MECOM: variants seen among roughly 807,000 people sequenced by gnomAD.
The protein encoded by MECOM is MDS1 and EVI1 complex locus, also known as histone-lysine N-methyltransferase MECOM.
MECOM carries 13 observed loss-of-function variants against 116.3 expected under a neutral mutation model. The ratio of observed to expected loss-of-function variants is 0.11; its 90% CI spans 0.07 to 0.18. MECOM has a LOEUF of 0.18. Ranked by LOEUF, MECOM falls within the 10% of genes least tolerant of loss-of-function variation. The probability of loss-of-function intolerance (pLI) is 1.00; values close to 1 mark genes in which losing one functional copy is unlikely to be tolerated. For missense variants in MECOM, 1,299 were observed against 1,509.0 expected (o/e 0.86, Z 2.31); for synonymous variants, 528 against 535.2 (o/e 0.99, Z 0.19).
intron 1 of MECOM, among the ~76,000 whole-genome samples, chr3:169,438,288 T>C (rs1743042385): frequency 6.6e-6 from 1 of 152,104 alleles, no homozygotes; most frequent in South Asian, 2.1e-4. Flanking sequence ...TCCTAAATCA[T>C]AAGTATTCAA....
intron 1 of MECOM, among the ~76,000 whole-genome samples, chr3:169,616,397 G>A (rs895789615): frequency 6.6e-6 from 1 of 152,178 alleles, no homozygotes; most frequent in African/African-American, 2.4e-5. Context: ...CCAGGCTGGA[G>A]TACAGTGGCA....
At chr3:169,413,523 C>T (rs1459723913) in intron 1 of MECOM, among the ~76,000 whole-genome samples, 1 of 146,286 alleles carries the variant, frequency 6.8e-6, no homozygotes, top group African/African-American at 2.5e-5. Flanking sequence ...GCATCTGGAA[C>T]TCCAGTGAGA....
In MECOM at chr3:169,121,226, A is replaced by G. The variant is rs777800979; in HGVS notation, c.979-17T>C. ...CGTGAAAACCTGCTAGGAAATGAGT[A>G]CTGATTAATCAAGAAACTTAACTCA... On this transcript the variant is annotated splice_polypyrimidine_tract_variant and intron_variant, in intron 6 of 16. Transcript: ENST00000651503. 6 of 1,582,582 alleles carry G rather than the reference A, an allele frequency of 3.8e-6. No individual in the cohort carries two copies. The highest frequency in any genetic ancestry group is 1.9e-4 in the Middle Eastern group (1 of 5,284).
In MECOM at chr3:169,515,945, T is replaced by C. The variant is rs568051949; in HGVS notation, c.38-134421A>G. On this transcript the variant is annotated intron_variant, in intron 1 of 16. Coordinates refer to ENST00000651503, the MANE Select transcript of MECOM (RefSeq NM_004991.4). ...TGACTGGGGGGAAAATGCTGAAACATTATGGACAAGCTCTAGGAAGCATCT... is the reference window on the plus strand; with the variant it reads ...TGACTGGGGGGAAAATGCTGAAACACTATGGACAAGCTCTAGGAAGCATCT... 3.9e-5 allele frequency among the ~76,000 whole-genome samples: 6 copies of C among 152,316 alleles called. 1 individual carries two copies. In the South Asian group the frequency reaches 1.0e-3, roughly 26 times the overall value.
chr3:169,084,906 A>T lies in MECOM; in HGVS notation c.*3T>A. 6 of 1,613,936 alleles carry T rather than the reference A, an allele frequency of 3.7e-6. No homozygotes were observed. Among genetic ancestry groups the T allele is most frequent in the Non-Finnish European group, 5.1e-6 (6 of 1,179,940 alleles). The stretch of plus-strand genomic sequence containing the variant: ...GGTCCCACTCTGGTCAACCTTGATA[A>T]CGTCATACGTGGCTTATGGACTGGA... On this transcript the variant is annotated 3_prime_UTR_variant, in exon 17 of 17. Transcript: ENST00000651503.
chr3:169,432,825 G>T (rs1003254326), intron 1 of MECOM, among the ~76,000 whole-genome samples: 1 of 152,208 alleles, frequency 6.6e-6, no homozygotes, highest in Non-Finnish European at 1.5e-5. Context: ...AAGGTTAAAG[G>T]CTACAGTAGA....
At chr3:169,137,020 G>A (rs1409117187) in intron 3 of MECOM, among the ~76,000 whole-genome samples, 1 of 152,086 alleles carries the variant, frequency 6.6e-6, no homozygotes, top group African/African-American at 2.4e-5. Context: ...TGTACTGAGA[G>A]AAAACCTTTT....
chr3:169,657,708 C>T (rs1321101807), intron 1 of MECOM, among the ~76,000 whole-genome samples: 1 of 152,184 alleles, frequency 6.6e-6, no homozygotes, highest in Non-Finnish European at 1.5e-5. Flanking sequence ...CTGCCCCAGC[C>T]AGGGCACTTC....
intron 1 of MECOM, among the ~76,000 whole-genome samples, chr3:169,563,860 T>C (rs1762934216): frequency 6.6e-6 from 1 of 152,190 alleles, no homozygotes; most frequent in Non-Finnish European, 1.5e-5. Context: ...ACAGTCATTC[T>C]CAGAAATGTC....
intron 1 of MECOM, among the ~76,000 whole-genome samples, chr3:169,497,694 G>T (rs1317925003): frequency 6.6e-6 from 1 of 152,088 alleles, no homozygotes; most frequent in East Asian, 1.9e-4. Context: ...GCATACCTTT[G>T]CCAAAACAAA....
intron 1 of MECOM, among the ~76,000 whole-genome samples, chr3:169,635,791 A>C (rs191980304): frequency 4.8e-4 from 73 of 152,334 alleles, no homozygotes; most frequent in Non-Finnish European, 1.2e-4. Flanking sequence ...GATCATTTTC[A>C]TAATTAATTT....
intron 2 of MECOM, among the ~76,000 whole-genome samples, chr3:169,305,468 G>C (rs1175674886): frequency 6.6e-6 from 1 of 152,146 alleles, no homozygotes; most frequent in Non-Finnish European, 1.5e-5. Flanking sequence ...AATCAGACCA[G>C]ATATCTAAGT....
At chr3:169,625,170 A>C (rs1771213786) in intron 1 of MECOM, among the ~76,000 whole-genome samples, 1 of 152,204 alleles carries the variant, frequency 6.6e-6, no homozygotes, top group Non-Finnish European at 1.5e-5. Context: ...AACATTTGGC[A>C]TGTGACAAAT....
chr3:169,241,435 C>T (rs1754797974), intron 2 of MECOM, among the ~76,000 whole-genome samples: 1 of 152,088 alleles, frequency 6.6e-6, no homozygotes, highest in African/African-American at 2.4e-5. Context: ...TAAATTTCAC[C>T]TTAACATACA....
intron 1 of MECOM, among the ~76,000 whole-genome samples, chr3:169,575,134 C>A (rs538113761): frequency 2.6e-5 from 4 of 152,248 alleles, no homozygotes; most frequent in African/African-American, 9.6e-5. Flanking sequence ...TAATTTATGT[C>A]CTCACAAAAA....
intron 2 of MECOM, among the ~76,000 whole-genome samples, chr3:169,180,143 C>T (rs149523667): frequency 6.6e-6 from 1 of 152,212 alleles, no homozygotes; most frequent in Non-Finnish European, 1.5e-5. Context: ...TTATTTTCCT[C>T]TCTTTCCTAT....
intron 1 of MECOM, among the ~76,000 whole-genome samples, chr3:169,505,907 G>T (rs1012905444): frequency 2.0e-5 from 3 of 152,148 alleles, no homozygotes; most frequent in Non-Finnish European, 4.4e-5. Context: ...CCTTTAAGGC[G>T]TTCTTGCCTC....
At chr3:169,203,962 T>C (rs958023946) in intron 2 of MECOM, among the ~76,000 whole-genome samples, 2 of 152,216 alleles carry the variant, frequency 1.3e-5, no homozygotes, top group Non-Finnish European at 2.9e-5. Context: ...AATGGGTTGA[T>C]CTTGGCCTTG....
At chr3:169,547,697 T>C (rs1222216834) in intron 1 of MECOM, among the ~76,000 whole-genome samples, 6 of 152,178 alleles carry the variant, frequency 3.9e-5, no homozygotes, top group African/African-American at 1.2e-4. Context: ...GTAATTAATT[T>C]AAGGATCTCA....
Sources: allele counts gnomAD v4.1 joint callset (sites outside exome capture counted in the v4.1 genomes callset), GRCh38; gene constraint gnomAD v4.1.1; transcripts MANE v1.5; gene names NCBI Gene and HGNC (gene_info 2026-07-23, HGNC 2026-07-21).